The following SULF2 variants were observed in gnomAD, a reference collection of about 807,000 sequenced individuals.
The protein encoded by SULF2 is extracellular sulfatase Sulf-2.
SULF2 carries 52 observed loss-of-function variants against 107.7 expected under a neutral mutation model. The ratio of observed to expected loss-of-function variants is 0.48; its 90% CI spans 0.39 to 0.61. SULF2 has a LOEUF of 0.61. Ranked by LOEUF, SULF2 falls within the 20% of genes least tolerant of loss-of-function variation. SULF2 has a pLI of 0.00. For synonymous variants in SULF2, 460 were observed against 464.3 expected (o/e 0.99, Z 0.12); for missense variants, 993 against 1,177.3 (o/e 0.84, Z 2.29).
At chr20:47,733,189 C>T (rs917988822) in intron 3 of SULF2, among the ~76,000 whole-genome samples, 3 of 152,110 alleles carry the variant, frequency 2.0e-5, no homozygotes, top group Non-Finnish European at 4.4e-5. Flanking sequence ...TATAAAGATA[C>T]TACATGAAGG....
At chr20:47,728,461 C>T (rs554433048) in intron 3 of SULF2, among the ~76,000 whole-genome samples, 1 of 151,344 alleles carries the variant, frequency 6.6e-6, no homozygotes, top group African/African-American at 2.4e-5. Flanking sequence ...AGGAGAGAAA[C>T]GGGAGAGGAG....
Position 47,690,308 on chromosome 20 carries a change from G to T in SULF2, c.568-13C>A. ...CTGTGAGGTAATCCTGGGGGGTGGG[G>T]AGAGACAGGAGAACAGGTGAGGAGC... is the stretch of plus-strand genomic sequence containing the variant. On this transcript the variant is annotated splice_polypyrimidine_tract_variant and intron_variant, in intron 4 of 20. Coordinates refer to ENST00000688720, the MANE Select transcript of SULF2 (RefSeq NM_001387048.1). The T allele has an allele frequency of 6.9e-7, 1 of 1,447,316 alleles. No individual in the cohort carries two copies. The highest frequency in any genetic ancestry group is 9.2e-7 in the Non-Finnish European group (1 of 1,089,068). The allele number at this position is 1,447,316 out of a possible 1,614,324, so 89.7% of individuals were successfully genotyped here.
At chr20:47,756,207 G>A (rs1046177936) in intron 2 of SULF2, among the ~76,000 whole-genome samples, 1 of 152,102 alleles carries the variant, frequency 6.6e-6, no homozygotes, top group East Asian at 1.9e-4. Context: ...TTCAAGAAAC[G>A]AAACACACCT....
At chr20:47,754,928 T>C (rs952653606) in intron 2 of SULF2, among the ~76,000 whole-genome samples, 1 of 152,204 alleles carries the variant, frequency 6.6e-6, no homozygotes, top group Non-Finnish European at 1.5e-5. Context: ...CTTGACCTCT[T>C]GGGCTCAAGT....
chr20:47,731,210 T>TG (rs2089602755), intron 3 of SULF2, among the ~76,000 whole-genome samples: 1 of 135,762 alleles, frequency 7.4e-6, no homozygotes, highest in African/African-American at 3.1e-5. Flanking sequence ...TTTTTTTTTT[T>TG]GAGACAGAGT....
Position 47,779,255 on chromosome 20 carries a change from C to T in SULF2, c.-101+6088G>A, listed in dbSNP as rs540769082. Among the ~76,000 whole-genome samples, 3 of 152,220 alleles carry T rather than the reference C, an allele frequency of 2.0e-5. No homozygotes were observed. In the South Asian group the frequency reaches 6.2e-4, roughly 31 times the overall value. On this transcript the variant is annotated intron_variant, in intron 1 of 20. Coordinates refer to ENST00000688720, the MANE Select transcript of SULF2 (RefSeq NM_001387048.1). Reference sequence around the variant, plus strand: ...TCTACCCTCTAGATGCCAGTAGCAACCCTTCCCCAGTTGGGACAACCTATA... The same window carrying T: ...TCTACCCTCTAGATGCCAGTAGCAATCCTTCCCCAGTTGGGACAACCTATA...
intron 2 of SULF2, among the ~76,000 whole-genome samples, chr20:47,746,708 C>T (rs2090043177): frequency 6.6e-6 from 1 of 152,022 alleles, no homozygotes. Context: ...AGCTCGAAAC[C>T]ATCATTCTCA....
At position 47,680,669 on chromosome 20, in the gene SULF2, G is replaced by T. The variant is rs73133471; in HGVS notation, c.1065-1865C>A. Among the ~76,000 whole-genome samples, 11,996 of 152,262 alleles carry T rather than the reference G, an allele frequency of 0.079. 518 individuals are homozygous for T. The highest frequency in any genetic ancestry group is 0.13 in the East Asian group (659 of 5,186). ...GCTGCTGAAGATGGGGCTGTGTCAT[G>T]GGGGGCTCGAAGGCCAGCGTGAGGC... On this transcript the variant is annotated intron_variant, in intron 7 of 20. Transcript: ENST00000688720. This position sits in a 1 kb window ranked among gnomAD's most constrained non-coding sequence, Gnocchi z 4.2.
rs752387174 is a variant in SULF2 at position 47,659,473 on chromosome 20, G to A, written c.2529-21C>T. ...ACTGCCTAAGTTTTCAAGTGTCAAA[G>A]GAGAATGAATGTTAACCATCACCAA... On this transcript the variant is annotated intron_variant, in intron 19 of 20. Transcript: ENST00000688720. 36 of 1,613,294 alleles carry A rather than the reference G, an allele frequency of 2.2e-5. 1 individual carries two copies. In the South Asian group the frequency reaches 3.6e-4, roughly 16 times the overall value.
intron 3 of SULF2, among the ~76,000 whole-genome samples, chr20:47,725,645 C>CT (rs1376542100): frequency 6.6e-6 from 1 of 152,176 alleles, no homozygotes; most frequent in Non-Finnish European, 1.5e-5. Flanking sequence ...TGCTGTGGGC[C>CT]TGCCCGGTGT....
intron 3 of SULF2, among the ~76,000 whole-genome samples, chr20:47,722,960 G>A (rs1267005437): frequency 6.6e-6 from 1 of 152,200 alleles, no homozygotes; most frequent in African/African-American, 2.4e-5. Flanking sequence ...CCAGCTACTT[G>A]GGAGGCTGAG....
At chr20:47,766,269 G>A (rs2090526549) in intron 1 of SULF2, among the ~76,000 whole-genome samples, 1 of 152,186 alleles carries the variant, frequency 6.6e-6, no homozygotes, top group Non-Finnish European at 1.5e-5. Context: ...GTCAAAGAAA[G>A]GACAGAAGCT....
At chr20:47,728,193 C>T (rs770096325) in intron 3 of SULF2, among the ~76,000 whole-genome samples, 6 of 152,152 alleles carry the variant, frequency 3.9e-5, no homozygotes, top group Middle Eastern at 3.4e-3. Context: ...GCAGCTGGAC[C>T]GAGGGAAGAA....
rs2089174416 is a variant in SULF2, at chr20:47,717,915, A to G, written c.416-15245T>C. On this transcript the variant is annotated intron_variant, in intron 3 of 20. Transcript: ENST00000688720. ...TGCAAACCTCCGCCTGCCAGGTTCA[A>G]GCGATTCTCCTGCCTCAGCCTCCCG... Among the ~76,000 whole-genome samples the G allele has an allele frequency of 2.6e-5, 4 of 151,722 alleles. No individual in the cohort carries two copies. In the South Asian group the frequency reaches 6.2e-4, roughly 24 times the overall value.
Position 47,723,360 on chromosome 20 carries a change from A to C in SULF2, c.415+13343T>G, listed in dbSNP as rs558889803. Among the ~76,000 whole-genome samples the C allele has an allele frequency of 9.8e-5, 15 of 152,348 alleles. No individual in the cohort carries two copies. The East Asian group carries it at 2.9e-3, about 29-fold the overall frequency. ...GTCGAGAATGAGAGGGTTGAGGAGT[A>C]CTAACCGACACAGGAAGGGCAGGAA... On this transcript the variant is annotated intron_variant, in intron 3 of 20. Coordinates refer to ENST00000688720, the MANE Select transcript of SULF2 (RefSeq NM_001387048.1).
chr20:47,666,193 G>T lies in SULF2; in HGVS notation c.1805+67C>A. On this transcript the variant is annotated intron_variant, in intron 12 of 20. Transcript: ENST00000688720. This position sits in a 1 kb window ranked among gnomAD's most constrained non-coding sequence, Gnocchi z 5.4. ...ATCTTGGTCCTCAGGGGCCCAAGAGGTGTGGGAAGCCCTTTGCCGAGGTCT... is the reference window on the plus strand; with the variant it reads ...ATCTTGGTCCTCAGGGGCCCAAGAGTTGTGGGAAGCCCTTTGCCGAGGTCT... The T allele has an allele frequency of 1.2e-6, 2 of 1,610,098 alleles. No homozygotes were observed. Among genetic ancestry groups the T allele is most frequent in the Non-Finnish European group, 1.7e-6 (2 of 1,178,902 alleles).
intron 7 of SULF2, 146 bp downstream of exon 7, chr20:47,682,848 C>T (rs925248069): frequency 2.6e-6 from 2 of 759,054 alleles, no homozygotes; most frequent in Admixed American, 2.7e-5. Context: ...ATATAACATG[C>T]ATGACATAAT....
chr20:47,710,148 C>T (rs949545465), intron 3 of SULF2, among the ~76,000 whole-genome samples: 8 of 152,098 alleles, frequency 5.3e-5, no homozygotes, highest in African/African-American at 1.9e-4. Flanking sequence ...GTGATCTGCC[C>T]GCCTCAGCCT....
intron 3 of SULF2, among the ~76,000 whole-genome samples, chr20:47,726,783 C>T (rs567262637): frequency 6.6e-6 from 1 of 152,334 alleles, no homozygotes; most frequent in Admixed American, 6.5e-5. Flanking sequence ...GTCTCATGCA[C>T]TCTGAAACCC....
Sources: gnomAD v4.1 joint callset for allele counts (sites outside exome capture counted in the v4.1 genomes callset) on GRCh38, gnomAD v4.1.1 for gene constraint, Gnocchi (gnomAD v3.1) non-coding constraint, MANE v1.5 for transcripts, NCBI Gene and HGNC (gene_info 2026-07-23, HGNC 2026-07-21) for gene names.